Variants in SEC23A observed in about 807,000 individuals in gnomAD.
SEC23A encodes the protein protein transport protein Sec23A.
Under a neutral mutation model 103.7 loss-of-function variants are expected in SEC23A, and 56 were observed. The ratio of observed to expected loss-of-function variants is 0.54; its 90% CI spans 0.44 to 0.67. The LOEUF (loss-of-function observed/expected upper bound fraction) is 0.67, where lower values mean the gene tolerates loss of function less well. SEC23A is among the 30% of genes least tolerant of loss of function. The pLI is 0.00. For missense variants in SEC23A, 784 were observed against 936.4 expected, an observed-to-expected ratio of 0.84 and a Z score of 2.12; for synonymous variants, 281 against 293.0, an observed-to-expected ratio of 0.96 and a Z score of 0.42.
intron 7 of SEC23A, among the ~76,000 whole-genome samples, chr14:39,076,595 TTTG>T (rs1887031246): frequency 6.6e-6 from 1 of 151,792 alleles, no homozygotes; most frequent in Non-Finnish European, 1.5e-5. Flanking sequence ...GTGTTTTACT[TTTG>T]TTTTTGATGT....
intron 19 of SEC23A, among the ~76,000 whole-genome samples, chr14:39,036,484 C>T (rs1885466323): frequency 6.6e-6 from 1 of 151,258 alleles, no homozygotes; most frequent in Non-Finnish European, 1.5e-5. Flanking sequence ...TTTTTTTGGC[C>T]CCTAACTCCA....
chr14:39,051,791 C>T (rs752378469), intron 14 of SEC23A, among the ~76,000 whole-genome samples: 3 of 151,818 alleles, frequency 2.0e-5, no homozygotes, highest in Non-Finnish European at 4.4e-5. Context: ...GGTGAAATCC[C>T]GTCTCTACTA....
chr14:39,048,933 G>T (rs903560178), intron 14 of SEC23A, among the ~76,000 whole-genome samples: 2 of 152,024 alleles, frequency 1.3e-5, no homozygotes, highest in Non-Finnish European at 2.9e-5. Context: ...ACACCACATT[G>T]TCCCAATGTA....
intron 5 of SEC23A, among the ~76,000 whole-genome samples, chr14:39,089,470 G>A (rs995735342): frequency 1.1e-5 from 1 of 93,954 alleles, no homozygotes. Flanking sequence ...AAGGTACTCC[G>A]CTTCCTGTGC....
chr14:39,058,072 G>T (rs966804077), intron 13 of SEC23A, among the ~76,000 whole-genome samples: 15 of 152,240 alleles, frequency 9.9e-5, no homozygotes, highest in African/African-American at 3.4e-4. Context: ...AACTGATCCT[G>T]GGTAGACTCA....
intron 9 of SEC23A, among the ~76,000 whole-genome samples, chr14:39,071,504 G>A (rs1037867678): frequency 1.3e-5 from 2 of 151,978 alleles, no homozygotes; most frequent in African/African-American, 4.8e-5. Flanking sequence ...AGCTGAGATC[G>A]CACCACTGCA....
intron 7 of SEC23A, among the ~76,000 whole-genome samples, chr14:39,084,500 C>T (rs984461704): frequency 6.6e-6 from 1 of 152,128 alleles, no homozygotes; most frequent in African/African-American, 2.4e-5. Flanking sequence ...AAACACTTCA[C>T]GTAGATAAAA....
chr14:39,053,950 T>C (rs1422990856), intron 14 of SEC23A, among the ~76,000 whole-genome samples: 4 of 151,766 alleles, frequency 2.6e-5, no homozygotes, highest in South Asian at 2.1e-4. Context: ...TTGAGCAAAA[T>C]AGTGAGACCC....
chr14:39,074,302 C>T (rs1886936601), intron 9 of SEC23A, 113 bp downstream of exon 9: 2 of 755,330 alleles, frequency 2.6e-6, no homozygotes, highest in Admixed American at 1.8e-5. Flanking sequence ...AGATGTGTTG[C>T]CTTGAAGTAG....
chr14:39,058,088 A>G (rs1332330235), intron 13 of SEC23A, among the ~76,000 whole-genome samples: 1 of 152,188 alleles, frequency 6.6e-6, no homozygotes, highest in Non-Finnish European at 1.5e-5. Flanking sequence ...ACTCAGATCA[A>G]ACTGAACCTA....
Position 39,097,126 on chromosome 14 carries a change from T to A in SEC23A, c.-21-987A>T, listed in dbSNP as rs560033315. Among the ~76,000 whole-genome samples, 6 of 152,314 alleles carry A rather than the reference T, an allele frequency of 3.9e-5. No individual in the cohort carries two copies. In the South Asian group the frequency reaches 1.0e-3, roughly 26 times the overall value. ...TCCAATTTGAGATATAAAATTTCAG[T>A]ATAATAATTTAAGTTTACTAACCAA... On this transcript the variant is annotated intron_variant, in intron 1 of 19. Coordinates refer to ENST00000307712, the MANE Select transcript of SEC23A (RefSeq NM_006364.4).
intron 9 of SEC23A, among the ~76,000 whole-genome samples, chr14:39,068,873 G>C (rs6571892): frequency 0.021 from 3,218 of 152,160 alleles, 115 homozygotes; most frequent in African/African-American, 0.074. Context: ...TGTTATCTCT[G>C]ATGCTTATTA....
chr14:39,035,160 T>G lies in SEC23A; in HGVS notation c.2209-1832A>C, dbSNP rs372565519. On this transcript the variant is annotated intron_variant, in intron 19 of 19. Transcript: ENST00000307712. ...AGCCTCAATTTCCTCTCATGAAATA[T>G]AGGATTACTAGTATCCACCTTATAA... 4.6e-4 allele frequency among the ~76,000 whole-genome samples: 70 copies of G among 152,306 alleles called. 1 individual carries two copies. The South Asian group carries it at 0.014, about 31-fold the overall frequency.
intron 18 of SEC23A, chr14:39,039,403 C>A: frequency 3.5e-6 from 1 of 283,810 alleles, no homozygotes; most frequent in Non-Finnish European, 6.4e-6. Context: ...AATTACTAAA[C>A]ACTTGGTCAG....
intron 12 of SEC23A, among the ~76,000 whole-genome samples, chr14:39,063,095 C>T (rs1042227151): frequency 1.3e-5 from 2 of 152,026 alleles, no homozygotes; most frequent in East Asian, 1.9e-4. Context: ...GTTGGGCTAC[C>T]CAAGGTTTGG....
At chr14:39,085,342 G>A (rs1887396572) in intron 7 of SEC23A, among the ~76,000 whole-genome samples, 1 of 152,104 alleles carries the variant, frequency 6.6e-6, no homozygotes, top group Admixed American at 6.5e-5. Flanking sequence ...GAAACATAAA[G>A]TGTTTCCTAG....
At chr14:39,083,225 G>A (rs563684281) in intron 7 of SEC23A, among the ~76,000 whole-genome samples, 13 of 152,174 alleles carry the variant, frequency 8.5e-5, no homozygotes, top group Middle Eastern at 3.4e-3. Context: ...AAACTGCTTC[G>A]GGCAAACCTG....
Position 39,084,188 on chromosome 14 carries a change from G to GT in SEC23A, c.828+1573dup, listed in dbSNP as rs1179095288. Among the ~76,000 whole-genome samples the GT allele has an allele frequency of 5.2e-3, 748 of 143,230 alleles. 6 individuals are homozygous for GT. Among genetic ancestry groups the GT allele is most frequent in the Non-Finnish European group, 7.8e-3 (510 of 65,048 alleles). 94.0% of individuals were successfully genotyped at this position (143,230 alleles called of 152,430 possible). A position where few individuals can be genotyped will look rare whatever the true frequency, so the allele number is the denominator to read the frequency against. ...AGGCATGCGCCACCACGCCCGGCTA[G>GT]TTTTTTTTTTTGTATTTTTAGTAGA... On this transcript the variant is annotated intron_variant, in intron 7 of 19. Coordinates refer to ENST00000307712, the MANE Select transcript of SEC23A (RefSeq NM_006364.4).
chr14:39,101,963 G>C (rs2139310658), intron 1 of SEC23A, among the ~76,000 whole-genome samples: 1 of 152,312 alleles, frequency 6.6e-6, no homozygotes, highest in Admixed American at 6.5e-5. Context: ...CGGGCGCAGT[G>C]GCTCATGCCT....
Sources: allele counts gnomAD v4.1 joint callset (sites outside exome capture counted in the v4.1 genomes callset), GRCh38; gene constraint gnomAD v4.1.1; transcripts MANE v1.5; gene names NCBI Gene and HGNC (gene_info 2026-07-23, HGNC 2026-07-21).